ZMYND8: variants seen among roughly 807,000 people sequenced by gnomAD.
The protein encoded by ZMYND8 is MYND-type zinc finger-containing chromatin reader ZMYND8.
A neutral mutation model predicts 140.8 loss-of-function variants in ZMYND8; 37 were observed. That is an observed-to-expected ratio of 0.26 (90% CI 0.20 to 0.35). The LOEUF (loss-of-function observed/expected upper bound fraction) is 0.35, where lower values mean the gene tolerates loss of function less well. ZMYND8 is among the 10% of genes least tolerant of loss of function. The probability of loss-of-function intolerance (pLI) is 1.00; values close to 1 mark genes in which losing one functional copy is unlikely to be tolerated. For synonymous variants in ZMYND8, 592 were observed against 597.1 expected, an observed-to-expected ratio of 0.99 and a Z score of 0.12; for missense variants, 1,068 against 1,570.0, an observed-to-expected ratio of 0.68 and a Z score of 5.40.
intron 8 of ZMYND8, chr20:47,285,619 T>C (rs1316572873): frequency 1.1e-6 from 1 of 928,120 alleles, no homozygotes; most frequent in Non-Finnish European, 1.3e-6. Flanking sequence ...ACATCTGACA[T>C]GTTCACAGCC....
chr20:47,252,097 C>A (rs2074232332), intron 12 of ZMYND8, among the ~76,000 whole-genome samples: 1 of 151,874 alleles, frequency 6.6e-6, no homozygotes, highest in African/African-American at 2.4e-5. Context: ...GGTTCAAGAT[C>A]CGCCTGGCTA....
At chr20:47,275,205 CT>C (rs1232520988) in intron 11 of ZMYND8, among the ~76,000 whole-genome samples, 3 of 152,182 alleles carry the variant, frequency 2.0e-5, no homozygotes, top group Admixed American at 2.0e-4. Context: ...AAAACTCAGA[CT>C]TTGGGCCAGG....
chr20:47,221,067 A>C (rs2036869891), intron 20 of ZMYND8, among the ~76,000 whole-genome samples: 1 of 152,202 alleles, frequency 6.6e-6, no homozygotes, highest in South Asian at 2.1e-4. Context: ...ATCATCGCAG[A>C]AAGTTCTCCT....
intron 16 of ZMYND8, among the ~76,000 whole-genome samples, chr20:47,234,186 C>A (rs559606066): frequency 1.3e-5 from 2 of 152,362 alleles, no homozygotes; most frequent in African/African-American, 4.8e-5. Flanking sequence ...GTAGCTGGGA[C>A]TACAGGCGCA....
intron 11 of ZMYND8, among the ~76,000 whole-genome samples, chr20:47,273,963 GACCTAAGC>G (rs1161052940): frequency 6.6e-6 from 1 of 152,172 alleles, no homozygotes; most frequent in African/African-American, 2.4e-5. Context: ...TTAGTAAAAT[GACCTAAGC>G]ACATACCAGC....
chr20:47,229,681 A>C (rs1820044718), intron 17 of ZMYND8, 45 bp downstream of exon 17: 1 of 1,591,372 alleles, frequency 6.3e-7, no homozygotes, highest in African/African-American at 1.3e-5. Context: ...AAAGCAGCCC[A>C]CAAAACACTC....
At chr20:47,309,941 G>A (rs1489047380) in intron 3 of ZMYND8, 115 bp downstream of exon 3, 31 of 1,407,996 alleles carry the variant, frequency 2.2e-5, no homozygotes, top group Admixed American at 4.1e-5. Context: ...GACAGCCAGC[G>A]CAAGGCAGCT....
intron 2 of ZMYND8, among the ~76,000 whole-genome samples, chr20:47,343,822 G>A (rs2082114152): frequency 6.6e-6 from 1 of 152,060 alleles, no homozygotes; most frequent in Non-Finnish European, 1.5e-5. Context: ...TCAAGCCTCT[G>A]CTTTCGAGGA....
At chr20:47,308,805 A>G (rs2078696677) in intron 3 of ZMYND8, among the ~76,000 whole-genome samples, 1 of 152,160 alleles carries the variant, frequency 6.6e-6, no homozygotes, top group Non-Finnish European at 1.5e-5. Flanking sequence ...ATGCTCAGAA[A>G]CACACACCTC....
intron 8 of ZMYND8, chr20:47,285,704 T>G: frequency 3.0e-6 from 3 of 985,358 alleles, no homozygotes; most frequent in South Asian, 9.4e-5. Flanking sequence ...ACCTTGTTAC[T>G]TAAGATGCTG....
chr20:47,315,248 C>T (rs2079285712), intron 2 of ZMYND8, among the ~76,000 whole-genome samples: 1 of 152,076 alleles, frequency 6.6e-6, no homozygotes, highest in Non-Finnish European at 1.5e-5. Context: ...TGGGTCCTAG[C>T]CCAAGCATGC....
At chr20:47,296,881 A>G (rs1328772842) in intron 4 of ZMYND8, among the ~76,000 whole-genome samples, 1 of 152,178 alleles carries the variant, frequency 6.6e-6, no homozygotes, top group African/African-American at 2.4e-5. Flanking sequence ...GCTTGAGCCC[A>G]GGTGGTCAGG....
At chr20:47,293,686 G>C (rs1647080700) in intron 5 of ZMYND8, among the ~76,000 whole-genome samples, 1 of 152,106 alleles carries the variant, frequency 6.6e-6, no homozygotes, top group South Asian at 2.1e-4. Flanking sequence ...CCCCTTGCTG[G>C]GTGTTATAGG....
At chr20:47,317,792 A>G (rs900628269) in intron 2 of ZMYND8, among the ~76,000 whole-genome samples, 2 of 152,182 alleles carry the variant, frequency 1.3e-5, no homozygotes, top group African/African-American at 4.8e-5. Flanking sequence ...TCTGGCGTCA[A>G]AATGCATGCA....
At chr20:47,276,926 A>C (rs1461875747) in intron 10 of ZMYND8, 131 bp from the exon 11 acceptor site, 3 of 1,013,596 alleles carry the variant, frequency 3.0e-6, no homozygotes, top group Non-Finnish European at 4.0e-6. Context: ...AAAAAAAAAA[A>C]AAACTTGGTT....
intron 11 of ZMYND8, among the ~76,000 whole-genome samples, chr20:47,267,666 C>T (rs2075632009): frequency 6.6e-6 from 1 of 152,158 alleles, no homozygotes; most frequent in African/African-American, 2.4e-5. Flanking sequence ...GCATATTGCT[C>T]CATCACCTAA....
chr20:47,238,896 TTGA>T lies in ZMYND8; in HGVS notation c.2524_2526del (p.Ser843del), dbSNP rs778692984. The T allele has an allele frequency of 5.6e-6, 9 of 1,613,906 alleles. No homozygotes were observed. In the Admixed American group the frequency reaches 1.0e-4, roughly 18 times the overall value. On this transcript the variant is annotated inframe_deletion, in exon 15 of 23. Coordinates refer to ENST00000471951, the MANE Select transcript of ZMYND8 (RefSeq NM_001281775.3). ...TTTTGGGAGGACGTTTGAAACTTAC[TTGA>T]TGAGTTCCACACGACCCGCTGCACG...
At chr20:47,229,270 G>A (rs1364325486) in intron 17 of ZMYND8, among the ~76,000 whole-genome samples, 5 of 151,854 alleles carry the variant, frequency 3.3e-5, no homozygotes, top group Non-Finnish European at 5.9e-5. Flanking sequence ...TTCCCAAAGC[G>A]CTGCGATTAC....
chr20:47,214,957 C>A (rs1170411767), intron 21 of ZMYND8, among the ~76,000 whole-genome samples: 8 of 152,188 alleles, frequency 5.3e-5, no homozygotes, highest in Non-Finnish European at 1.2e-4. Context: ...GTGGCACATG[C>A]CTATGATCCC....
Sources: allele counts gnomAD v4.1 joint callset (sites outside exome capture counted in the v4.1 genomes callset), GRCh38; gene constraint gnomAD v4.1.1; transcripts MANE v1.5; gene names NCBI Gene and HGNC (gene_info 2026-07-23, HGNC 2026-07-21).